The following ASCC3 variants were observed in gnomAD, a reference collection of about 807,000 sequenced individuals.
ASCC3 encodes the protein activating signal cointegrator 1 complex subunit 3.
ASCC3 carries 158 observed loss-of-function variants against 256.3 expected under a neutral mutation model. That is an observed-to-expected ratio of 0.62 (90% CI 0.54 to 0.70). The LOEUF (loss-of-function observed/expected upper bound fraction) is 0.70. ASCC3 is among the 30% of genes least tolerant of loss of function. The pLI, the probability that ASCC3 is intolerant of heterozygous loss-of-function variation, is 0.00. For synonymous variants in ASCC3, 948 were observed against 883.4 expected, an observed-to-expected ratio of 1.07 and a Z score of -1.30; for missense variants, 2,259 against 2,626.0, an observed-to-expected ratio of 0.86 and a Z score of 3.05.
chr6:100,644,782 T>C (rs1363237986), intron 22 of ASCC3, among the ~76,000 whole-genome samples: 2 of 152,160 alleles, frequency 1.3e-5, no homozygotes, highest in Non-Finnish European at 2.9e-5. Flanking sequence ...TGACAAATAC[T>C]GGCCCAATTA....
At chr6:100,683,772 TGAG>T (rs1405167415) in intron 13 of ASCC3, among the ~76,000 whole-genome samples, 1 of 151,814 alleles carries the variant, frequency 6.6e-6, no homozygotes, top group Non-Finnish European at 1.5e-5. Flanking sequence ...TGCTTTTATT[TGAG>T]TTTTTTAGGT....
At chr6:100,550,856 G>C (rs1769261141) in intron 36 of ASCC3, among the ~76,000 whole-genome samples, 1 of 151,806 alleles carries the variant, frequency 6.6e-6, no homozygotes, top group African/African-American at 2.4e-5. Context: ...TATCAGATGA[G>C]TCTGCTAACA....
intron 12 of ASCC3, among the ~76,000 whole-genome samples, chr6:100,716,035 T>C (rs577187316): frequency 6.6e-6 from 1 of 151,724 alleles, no homozygotes; most frequent in African/African-American, 2.4e-5. Flanking sequence ...TTGAGAGAGG[T>C]TGCTATTCAG....
At chr6:100,747,037 C>T (rs975391124) in intron 10 of ASCC3, among the ~76,000 whole-genome samples, 11 of 151,726 alleles carry the variant, frequency 7.2e-5, no homozygotes, top group African/African-American at 2.7e-4. Flanking sequence ...TTCAGTCATA[C>T]ATCTTACAGC....
At chr6:100,834,057 G>A (rs1771758964) in intron 4 of ASCC3, among the ~76,000 whole-genome samples, 1 of 152,142 alleles carries the variant, frequency 6.6e-6, no homozygotes, top group East Asian at 1.9e-4. Context: ...CAGTGTGAGT[G>A]AGTGTGGTTT....
chr6:100,861,419 CT>C (rs967591439), intron 3 of ASCC3, among the ~76,000 whole-genome samples: 1 of 152,164 alleles, frequency 6.6e-6, no homozygotes, highest in Admixed American at 6.5e-5. Context: ...TATTCTCTTG[CT>C]TAACCTTTTT....
At chr6:100,764,891 G>A (rs1781577845) in intron 10 of ASCC3, among the ~76,000 whole-genome samples, 1 of 152,064 alleles carries the variant, frequency 6.6e-6, no homozygotes, top group South Asian at 2.1e-4. Context: ...TTGAAAAAAG[G>A]ATCTTTGCAG....
chr6:100,684,710 C>A (rs1777473464), intron 13 of ASCC3, among the ~76,000 whole-genome samples: 1 of 152,092 alleles, frequency 6.6e-6, no homozygotes, highest in South Asian at 2.1e-4. Flanking sequence ...AAAACACTTC[C>A]CCTTTAGCAA....
chr6:100,759,669 G>A (rs553576769), intron 10 of ASCC3, among the ~76,000 whole-genome samples: 1 of 152,248 alleles, frequency 6.6e-6, no homozygotes, highest in African/African-American at 2.4e-5. Context: ...GAAACTTAAA[G>A]TAGCTTTTTC....
chr6:100,655,201 C>T (rs1775859203), intron 17 of ASCC3, among the ~76,000 whole-genome samples: 1 of 151,880 alleles, frequency 6.6e-6, no homozygotes, highest in African/African-American at 2.4e-5. Context: ...GCATCTAATT[C>T]TCAGTCTATG....
intron 40 of ASCC3, among the ~76,000 whole-genome samples, chr6:100,510,518 A>AAAAC (rs750750555): frequency 6.8e-4 from 104 of 152,324 alleles, no homozygotes; most frequent in Non-Finnish European, 1.3e-3. Flanking sequence ...AATGCTTAAG[A>AAAAC]AAACAAACAA....
intron 13 of ASCC3, among the ~76,000 whole-genome samples, chr6:100,702,212 G>T (rs925659223): frequency 1.3e-5 from 2 of 152,088 alleles, no homozygotes; most frequent in Admixed American, 6.6e-5. Flanking sequence ...GGCAGAAAGA[G>T]GAGGGAATGG....
intron 8 of ASCC3, among the ~76,000 whole-genome samples, chr6:100,789,096 A>G (rs974950156): frequency 2.0e-5 from 3 of 151,422 alleles, no homozygotes; most frequent in African/African-American, 7.3e-5. Flanking sequence ...TGAGGGGAGG[A>G]AAGGAAAGGA....
chr6:100,690,367 G>T (rs1473856260), intron 13 of ASCC3, among the ~76,000 whole-genome samples: 1 of 152,052 alleles, frequency 6.6e-6, no homozygotes, highest in Non-Finnish European at 1.5e-5. Context: ...CATGAATATG[G>T]AGAGCCAACT....
At chr6:100,712,504 A>G (rs1202427986) in intron 13 of ASCC3, among the ~76,000 whole-genome samples, 1 of 152,210 alleles carries the variant, frequency 6.6e-6, no homozygotes, top group Non-Finnish European at 1.5e-5. Context: ...TGTCAAGCAT[A>G]TGAAAAGACG....
At chr6:100,798,952 T>C (rs1769773872) in intron 7 of ASCC3, 114 bp from the exon 8 acceptor site, 2 of 954,726 alleles carry the variant, frequency 2.1e-6, no homozygotes, top group Non-Finnish European at 3.1e-6. Context: ...AAAGCACTGG[T>C]AAATAAACTT....
intron 4 of ASCC3, among the ~76,000 whole-genome samples, chr6:100,817,688 C>A (rs1331127177): frequency 6.6e-6 from 1 of 151,974 alleles, no homozygotes; most frequent in African/African-American, 2.4e-5. Flanking sequence ...AAGGGAAAAA[C>A]TCCTAGAAAG....
chr6:100,769,422 C>T lies in ASCC3; in HGVS notation c.1396-2077G>A, dbSNP rs76493246. Reference sequence around the variant, plus strand: ...CTTAAAGTGACAGATATGCTAATTACCCTGATTTGATCATTGCGCAGAATA... The same window carrying T: ...CTTAAAGTGACAGATATGCTAATTATCCTGATTTGATCATTGCGCAGAATA... On this transcript the variant is annotated intron_variant, in intron 8 of 41. Transcript: ENST00000369162. 4.6e-3 allele frequency among the ~76,000 whole-genome samples: 700 copies of T among 151,940 alleles called. 6 individuals carry two copies. Among genetic ancestry groups the T allele is most frequent in the African/African-American group, 0.016 (659 of 41,514 alleles).
chr6:100,856,081 G>A (rs888080293), intron 3 of ASCC3, among the ~76,000 whole-genome samples: 7 of 152,150 alleles, frequency 4.6e-5, no homozygotes, highest in Admixed American at 3.9e-4. Flanking sequence ...CAGATATCTG[G>A]TGAATAAAAG....
Sources: gnomAD v4.1 joint callset for allele counts (sites outside exome capture counted in the v4.1 genomes callset) on GRCh38, gnomAD v4.1.1 for gene constraint, MANE v1.5 for transcripts, NCBI Gene and HGNC (gene_info 2026-07-23, HGNC 2026-07-21) for gene names.